Variants in C2orf69 observed in about 807,000 individuals in gnomAD.
The protein encoded by C2orf69 is mitochondrial protein C2orf69.
Under a neutral mutation model 29.5 loss-of-function variants are expected in C2orf69, and 19 were observed. That is an observed-to-expected ratio of 0.65 (90% CI 0.45 to 0.95). The LOEUF (loss-of-function observed/expected upper bound fraction) is 0.95, where lower values mean the gene tolerates loss of function less well. Ranked by LOEUF, C2orf69 falls within the 40% of genes least tolerant of loss-of-function variation. The pLI, the probability that C2orf69 is intolerant of heterozygous loss-of-function variation, is 0.00. For missense variants in C2orf69, 416 were observed against 482.1 expected (o/e 0.86, Z 1.28); for synonymous variants, 194 against 180.0 (o/e 1.08, Z -0.62).
At chr2:199,920,738 C>T (rs1160486015) in intron 1 of C2orf69, among the ~76,000 whole-genome samples, 1 of 151,716 alleles carries the variant, frequency 6.6e-6, no homozygotes, top group Non-Finnish European at 1.5e-5. Context: ...GGGTGGATCA[C>T]GAGGTCAGGA....
At chr2:199,916,261 A>G (rs965589143) in intron 1 of C2orf69, among the ~76,000 whole-genome samples, 2 of 152,194 alleles carry the variant, frequency 1.3e-5, no homozygotes, top group Non-Finnish European at 2.9e-5. Context: ...TGAGAACAGC[A>G]TGAAGGTAAC....
At chr2:199,913,440 ATAAAATATATATT>A (rs2077281280) in intron 1 of C2orf69, among the ~76,000 whole-genome samples, 1 of 105,606 alleles carries the variant, frequency 9.5e-6, no homozygotes, top group Non-Finnish European at 1.8e-5. Flanking sequence ...TATATATTAT[ATAAAATATATATT>A]CTATTATATA....
chr2:199,912,404 A>G (rs563223420), intron 1 of C2orf69, among the ~76,000 whole-genome samples: 71 of 152,342 alleles, frequency 4.7e-4, no homozygotes, highest in Non-Finnish European at 8.7e-4. Context: ...GTCTTAATCT[A>G]ACGTTGCATT....
intron 1 of C2orf69, among the ~76,000 whole-genome samples, chr2:199,923,341 GGCTA>G (rs2077324264): frequency 6.6e-6 from 1 of 152,068 alleles, no homozygotes; most frequent in Non-Finnish European, 1.5e-5. Flanking sequence ...AATCACTTGT[GGCTA>G]TTGCCTACTT....
chr2:199,928,269 C>T lies in C2orf69; in HGVS notation c.*2383C>T, dbSNP rs1485751524. ...TAATTGTATTAAAATTGATCATCCACAGAAGTTTGTTTGGATGTGCTTTAT... is the reference window on the plus strand; with the variant it reads ...TAATTGTATTAAAATTGATCATCCATAGAAGTTTGTTTGGATGTGCTTTAT... On this transcript the variant is annotated 3_prime_UTR_variant, in exon 2 of 2. Coordinates refer to ENST00000319974, the MANE Select transcript of C2orf69 (RefSeq NM_153689.6). 3 of 152,560 alleles carry T rather than the reference C, an allele frequency of 2.0e-5. No homozygotes were observed. Among genetic ancestry groups the T allele is most frequent in the Admixed American group, 6.5e-5 (1 of 15,274 alleles). 9.5% of individuals were successfully genotyped at this position (152,560 alleles called of 1,614,324 possible). A position where few individuals can be genotyped will look rare whatever the true frequency, so the allele number is the denominator to read the frequency against.
Position 199,925,170 on chromosome 2 carries a change from T to G in C2orf69, c.442T>G (p.Trp148Gly). 1.9e-6 allele frequency: 3 copies of G among 1,612,060 alleles called. No homozygotes were observed. Among genetic ancestry groups the G allele is most frequent in the Non-Finnish European group, 2.5e-6 (3 of 1,178,694 alleles). ...LAHRFPNSYI[W>G]VIKCSRMHLH... is the part of the protein sequence containing the mutation. ...CCACCGGTTCCCCAATAGTTATATT[T>G]GGGTGATAAAATGTTCCCGAATGCA... is the stretch of plus-strand genomic sequence containing the variant. Residue 148 changes from tryptophan to glycine, a missense_variant, in exon 2 of 2, where the codon TGG becomes GGG. Coordinates refer to ENST00000319974, the MANE Select transcript of C2orf69 (RefSeq NM_153689.6). The surrounding 1 kb of genome is among the most constrained non-coding windows in gnomAD (Gnocchi z 4.9).
In C2orf69 at chr2:199,925,526, T is replaced by C. The variant is rs1574784245; in HGVS notation, c.798T>C (p.Gly266=). The C allele has an allele frequency of 1.2e-6, 2 of 1,613,818 alleles. No homozygotes were observed. The highest frequency in any genetic ancestry group is 1.7e-6 in the Non-Finnish European group (2 of 1,179,806). ...ASFTLIGFSK[G]CVVLNQLLFE... ...TTACTTTGATTGGATTCAGTAAAGG[T>C]TGTGTTGTTTTGAATCAGTTGCTTT... The change falls in exon 2 of 2, where the codon GGT becomes GGC. Residue 266 remains glycine, a synonymous_variant. Coordinates refer to ENST00000319974, the MANE Select transcript of C2orf69 (RefSeq NM_153689.6). This position sits in a 1 kb window ranked among gnomAD's most constrained non-coding sequence, Gnocchi z 4.9.
chr2:199,925,226 T>C lies in C2orf69; in HGVS notation c.498T>C (p.Phe166=). The part of the protein sequence containing the change: ...HLHKFSCYDN[F]VKSNMFGAPE... ...ACAAATTCAGCTGCTATGACAATTT[T>C]GTGAAAAGTAACATGTTTGGTGCCC... is the stretch of plus-strand genomic sequence containing the variant. The change falls in exon 2 of 2, where the codon TTT becomes TTC. Residue 166 remains phenylalanine (F), a synonymous_variant. Coordinates refer to ENST00000319974, the MANE Select transcript of C2orf69 (RefSeq NM_153689.6). The surrounding 1 kb of genome is among the most constrained non-coding windows in gnomAD (Gnocchi z 4.9). 1 of 1,612,530 alleles carries C rather than the reference T, an allele frequency of 6.2e-7. No homozygotes were observed. The highest frequency in any genetic ancestry group is 8.5e-7 in the Non-Finnish European group (1 of 1,179,860).
intron 1 of C2orf69, among the ~76,000 whole-genome samples, chr2:199,918,843 T>C (rs1275054913): frequency 1.3e-5 from 2 of 152,246 alleles, no homozygotes; most frequent in Admixed American, 1.3e-4. Flanking sequence ...TTGCTTTTTC[T>C]AGAATTTTGT....
At position 199,926,222 on chromosome 2, in the gene C2orf69, T is replaced by C. The variant is rs2077334552; in HGVS notation, c.*336T>C. 1 of 199,004 alleles carries C rather than the reference T, an allele frequency of 5.0e-6. No individual in the cohort carries two copies. The highest frequency in any genetic ancestry group is 1.4e-4 in the South Asian group (1 of 6,950). The allele number at this position is 199,004 out of a possible 1,614,324, so 12.3% of individuals were successfully genotyped here. Reference sequence around the variant, plus strand: ...ATTGTTACTGTTGGAAATAACTGATTTTCTGAGTAATGTTTTAAACTAATT... The same window carrying C: ...ATTGTTACTGTTGGAAATAACTGATCTTCTGAGTAATGTTTTAAACTAATT... On this transcript the variant is annotated 3_prime_UTR_variant, in exon 2 of 2. Coordinates refer to ENST00000319974, the MANE Select transcript of C2orf69 (RefSeq NM_153689.6).
At chr2:199,913,301 CTATTA>C (rs1242722635) in intron 1 of C2orf69, among the ~76,000 whole-genome samples, 4 of 91,290 alleles carry the variant, frequency 4.4e-5, no homozygotes, top group Admixed American at 3.5e-4. Context: ...AATATATATT[CTATTA>C]TAATATATAT....
At chr2:199,919,204 C>G (rs945139807) in intron 1 of C2orf69, among the ~76,000 whole-genome samples, 3 of 151,962 alleles carry the variant, frequency 2.0e-5, no homozygotes, top group African/African-American at 7.3e-5. Context: ...ATCCTCCTGC[C>G]TTGGCCTCCC....
At chr2:199,922,031 T>TTTTATATATATATATA (rs1553566020) in intron 1 of C2orf69, among the ~76,000 whole-genome samples, 1 of 78,984 alleles carries the variant, frequency 1.3e-5, no homozygotes, top group South Asian at 5.3e-4. Flanking sequence ...ACTGTTATTT[T>TTTTATATATATATATA]TATATATATA....
intron 1 of C2orf69, among the ~76,000 whole-genome samples, chr2:199,917,559 A>G (rs1436902455): frequency 6.6e-6 from 1 of 152,142 alleles, no homozygotes; most frequent in East Asian, 1.9e-4. Flanking sequence ...CTAAACCATA[A>G]CAAGAGTGAC....
At chr2:199,918,607 C>T (rs2077302336) in intron 1 of C2orf69, among the ~76,000 whole-genome samples, 1 of 152,104 alleles carries the variant, frequency 6.6e-6, no homozygotes, top group Non-Finnish European at 1.5e-5. Flanking sequence ...AGTGATCTGC[C>T]TGCGTGGGCC....
chr2:199,913,241 TAA>T (rs2077277406), intron 1 of C2orf69, among the ~76,000 whole-genome samples: 1 of 31,142 alleles, frequency 3.2e-5, no homozygotes, highest in South Asian at 1.3e-3. Flanking sequence ...ATAATATATA[TAA>T]TATATATTAT....
intron 1 of C2orf69, among the ~76,000 whole-genome samples, chr2:199,918,785 T>C (rs961464564): frequency 6.6e-6 from 1 of 152,192 alleles, no homozygotes; most frequent in African/African-American, 2.4e-5. Context: ...TCCTTTATGG[T>C]CAGTTTTCTT....
intron 1 of C2orf69, among the ~76,000 whole-genome samples, chr2:199,921,117 C>T (rs2077314381): frequency 7.5e-6 from 1 of 133,338 alleles, no homozygotes; most frequent in Non-Finnish European, 1.5e-5. Flanking sequence ...AGCGATTCTT[C>T]TGCCTCAGCC....
intron 1 of C2orf69, among the ~76,000 whole-genome samples, chr2:199,913,409 T>TATATATA (rs2077280631): frequency 1.9e-5 from 2 of 107,356 alleles, no homozygotes; most frequent in African/African-American, 3.8e-5. Flanking sequence ...TTATATATAA[T>TATATATA]ATATATTCTA....
Sources: gnomAD v4.1 joint callset for allele counts (sites outside exome capture counted in the v4.1 genomes callset) on GRCh38, gnomAD v4.1.1 for gene constraint, Gnocchi (gnomAD v3.1) non-coding constraint, MANE v1.5 for transcripts, NCBI Gene and HGNC (gene_info 2026-07-23, HGNC 2026-07-21) for gene names.